Variants in CNGB3 observed in about 807,000 individuals in gnomAD.
CNGB3 encodes cyclic nucleotide-gated channel beta-3.
CNGB3 carries 86 observed loss-of-function variants against 92.8 expected under a neutral mutation model. That is an observed-to-expected ratio of 0.93 (90% CI 0.78 to 1.11). CNGB3 has a LOEUF of 1.11. CNGB3 is among the 50% of genes least tolerant of loss of function. CNGB3 has a pLI of 0.00. For missense variants in CNGB3, 1,026 were observed against 956.8 expected (o/e 1.07, Z -0.95); for synonymous variants, 333 against 332.7 (o/e 1.00, Z -0.01).
intron 3 of CNGB3, among the ~76,000 whole-genome samples, chr8:86,703,246 CTTTA>C (rs952463318): frequency 1.3e-5 from 2 of 151,982 alleles, no homozygotes; most frequent in African/African-American, 2.4e-5. Context: ...ACATGGGACT[CTTTA>C]TTTATCGCTT....
chr8:86,684,071 G>A (rs1824135261), intron 3 of CNGB3, among the ~76,000 whole-genome samples: 1 of 152,094 alleles, frequency 6.6e-6, no homozygotes. Context: ...GCTGCAGAGT[G>A]GGAGAAAATA....
chr8:86,741,533 G>A (rs1055310173), intron 1 of CNGB3, among the ~76,000 whole-genome samples: 4 of 152,078 alleles, frequency 2.6e-5, no homozygotes, highest in Non-Finnish European at 4.4e-5. Context: ...GGGTGTGGTG[G>A]CATGTGCCTG....
chr8:86,591,770 G>A (rs796225386), intron 15 of CNGB3, among the ~76,000 whole-genome samples: 2 of 152,192 alleles, frequency 1.3e-5, no homozygotes, highest in Non-Finnish European at 2.9e-5. Flanking sequence ...ATTTAAGTCT[G>A]CAGAGGTTAC....
intron 11 of CNGB3, among the ~76,000 whole-genome samples, chr8:86,629,794 A>C (rs1822925078): frequency 6.6e-6 from 1 of 152,206 alleles, no homozygotes; most frequent in African/African-American, 2.4e-5. Context: ...TAACTCACCC[A>C]TAAAAACCCA....
At chr8:86,594,855 C>T (rs550069660) in intron 15 of CNGB3, among the ~76,000 whole-genome samples, 6 of 152,206 alleles carry the variant, frequency 3.9e-5, no homozygotes, top group African/African-American at 1.4e-4. Context: ...ATTACCGGCA[C>T]GTGCCACCAC....
rs767128005 is a variant in CNGB3, at chr8:86,667,009, C to T, written c.768G>A (p.Ala256=). 1.7e-5 allele frequency: 27 copies of T among 1,613,684 alleles called. No individual in the cohort carries two copies. The highest frequency in any genetic ancestry group is 4.5e-5 in the East Asian group (2 of 44,876). Residue 256 remains alanine (A), a synonymous_variant, in exon 6 of 18, where the codon GCG becomes GCA. Transcript: ENST00000320005. ...GGTAGATGATATCACATATGATGTC[C>T]GCAATAAGCCAGTAGTGTATGTTGT... ...TADNIHYWLI[A]DIICDIIYLY...
At chr8:86,690,651 G>T (rs1824294004) in intron 3 of CNGB3, among the ~76,000 whole-genome samples, 3 of 152,214 alleles carry the variant, frequency 2.0e-5, no homozygotes, top group African/African-American at 7.2e-5. Flanking sequence ...TGTCCTGAAT[G>T]ATATTGCCTA....
chr8:86,634,733 T>G (rs1232084963), intron 10 of CNGB3, among the ~76,000 whole-genome samples: 1 of 151,400 alleles, frequency 6.6e-6, no homozygotes, highest in East Asian at 1.9e-4. Flanking sequence ...ATTTCTTATC[T>G]AGGTATGCCA....
intron 3 of CNGB3, among the ~76,000 whole-genome samples, chr8:86,703,734 A>G (rs1824599324): frequency 6.6e-6 from 1 of 152,190 alleles, no homozygotes; most frequent in Non-Finnish European, 1.5e-5. Flanking sequence ...GGGAGCTTGT[A>G]CAACCAAGTA....
chr8:86,632,664 T>G, intron 11 of CNGB3, 88 bp downstream of exon 11: 1 of 1,391,252 alleles, frequency 7.2e-7, no homozygotes, highest in East Asian at 2.3e-5. Flanking sequence ...CCAGACAGAT[T>G]TTAATTTTTC....
chr8:86,666,182 G>A (rs1206486542), intron 6 of CNGB3, among the ~76,000 whole-genome samples: 1 of 152,230 alleles, frequency 6.6e-6, no homozygotes, highest in African/African-American at 2.4e-5. Context: ...ACTGTAATGT[G>A]ATAGAAAACA....
At chr8:86,649,311 A>G (rs1202969498) in intron 7 of CNGB3, among the ~76,000 whole-genome samples, 1 of 151,712 alleles carries the variant, frequency 6.6e-6, no homozygotes, top group Non-Finnish European at 1.5e-5. Context: ...AGAATTAGAA[A>G]AAACAATTCT....
chr8:86,638,076 G>T (rs1823108764), intron 10 of CNGB3, among the ~76,000 whole-genome samples: 2 of 152,048 alleles, frequency 1.3e-5, no homozygotes, highest in South Asian at 4.1e-4. Flanking sequence ...TTGCTGCATA[G>T]TATTCATTGT....
intron 12 of CNGB3, among the ~76,000 whole-genome samples, chr8:86,627,932 G>A (rs1300171477): frequency 6.6e-6 from 1 of 152,136 alleles, no homozygotes; most frequent in Non-Finnish European, 1.5e-5. Flanking sequence ...CAGCCTACTC[G>A]ACAGTGAAGA....
intron 6 of CNGB3, among the ~76,000 whole-genome samples, chr8:86,657,162 C>A (rs1194254863): frequency 6.6e-6 from 1 of 152,192 alleles, no homozygotes; most frequent in African/African-American, 2.4e-5. Flanking sequence ...ACCCTATGAG[C>A]CTCTGGCTCT....
intron 3 of CNGB3, among the ~76,000 whole-genome samples, chr8:86,717,585 A>G (rs1385666148): frequency 6.7e-6 from 1 of 149,604 alleles, no homozygotes; most frequent in East Asian, 2.0e-4. Context: ...AAAAAAATCG[A>G]GGACTTTAAT....
At chr8:86,702,134 G>T (rs1002986511) in intron 3 of CNGB3, among the ~76,000 whole-genome samples, 2 of 152,192 alleles carry the variant, frequency 1.3e-5, no homozygotes, top group Admixed American at 1.3e-4. Flanking sequence ...ACATTGGAAA[G>T]TAACTACTTT....
At chr8:86,691,331 ACTT>A (rs1390594381) in intron 3 of CNGB3, among the ~76,000 whole-genome samples, 1 of 152,054 alleles carries the variant, frequency 6.6e-6, no homozygotes, top group Non-Finnish European at 1.5e-5. Flanking sequence ...AGCAACATTG[ACTT>A]CTTCTTTATC....
At chr8:86,710,198 A>G (rs1055976017) in intron 3 of CNGB3, among the ~76,000 whole-genome samples, 16 of 152,214 alleles carry the variant, frequency 1.1e-4, no homozygotes, top group Non-Finnish European at 8.8e-5. Flanking sequence ...TTCTCAACTT[A>G]TCTACATAGT....
Sources: allele counts gnomAD v4.1 joint callset (sites outside exome capture counted in the v4.1 genomes callset), GRCh38; gene constraint gnomAD v4.1.1; transcripts MANE v1.5; gene names NCBI Gene and HGNC (gene_info 2026-07-23, HGNC 2026-07-21).